The following DENND1B variants were observed in gnomAD, a reference collection of about 807,000 sequenced individuals.
DENND1B encodes DENN domain-containing protein 1B.
DENND1B carries 59 observed loss-of-function variants against 90.1 expected under a neutral mutation model. The ratio of observed to expected loss-of-function variants is 0.65; its 90% confidence interval spans 0.53 to 0.81. The LOEUF (loss-of-function observed/expected upper bound fraction) is 0.81. DENND1B is among the 40% of genes least tolerant of loss of function. The probability of loss-of-function intolerance (pLI) is 0.00; values close to 1 mark genes in which losing one functional copy is unlikely to be tolerated. For synonymous variants in DENND1B, 337 were observed against 324.6 expected (o/e 1.04, Z -0.41); for missense variants, 862 against 912.6 (o/e 0.94, Z 0.71).
Position 197,595,233 on chromosome 1 carries a change from T to C in DENND1B, c.1022A>G (p.Tyr341Cys), listed in dbSNP as rs771490441. The change falls in exon 14 of 23, where the codon TAC becomes TGC. Residue 341 changes from tyrosine to cysteine, a missense_variant. Transcript: ENST00000620048. Reference protein sequence around the residue: ...LRAQAALFGSYRDALRYKPGE... With the variant: ...LRAQAALFGSCRDALRYKPGE... ...AGGTTTGTATCTCAGTGCATCTCTG[T>C]AGGATCCAAACAAAGCAGCCTGTGC... 1 of 1,613,072 alleles carries C rather than the reference T, an allele frequency of 6.2e-7. No individual in the cohort carries two copies. Among genetic ancestry groups the C allele is most frequent in the Non-Finnish European group, 8.5e-7 (1 of 1,179,378 alleles).
At chr1:197,731,384 A>T (rs939768578) in intron 2 of DENND1B, among the ~76,000 whole-genome samples, 13 of 152,184 alleles carry the variant, frequency 8.5e-5, no homozygotes, top group African/African-American at 7.2e-5. Flanking sequence ...ATCCTCTAGG[A>T]AAGTGAGCAA....
rs545918516 is a variant in DENND1B, at chr1:197,772,901, A to G, written c.49T>C (p.Leu17=). Residue 17 remains leucine (L), a synonymous_variant, in exon 2 of 23, where the codon TTG becomes CTG. Coordinates refer to ENST00000620048, the MANE Select transcript of DENND1B (RefSeq NM_001195215.2). ...ANPDRTFDLV[L]KVKCHASENE... ...TCAGAGGCATGACATTTCACTTTCAACACCAAGTCAAAGGTTCTGTCTGGA... is the reference window on the plus strand; with the variant it reads ...TCAGAGGCATGACATTTCACTTTCAGCACCAAGTCAAAGGTTCTGTCTGGA... The G allele has an allele frequency of 6.4e-7, 1 of 1,552,038 alleles. No individual in the cohort carries two copies. Among genetic ancestry groups the G allele is most frequent in the East Asian group, 2.4e-5 (1 of 41,066 alleles).
intron 9 of DENND1B, among the ~76,000 whole-genome samples, chr1:197,644,725 C>T (rs368045977): frequency 6.6e-6 from 1 of 152,130 alleles, no homozygotes; most frequent in East Asian, 1.9e-4. Flanking sequence ...AAAACACCAT[C>T]GACAGTCTTG....
intron 2 of DENND1B, among the ~76,000 whole-genome samples, chr1:197,752,521 TAATTGTA>T (rs1653688300): frequency 6.6e-6 from 1 of 152,084 alleles, no homozygotes; most frequent in South Asian, 2.1e-4. Context: ...ATTGAAGATG[TAATTGTA>T]ATAAAGCAAT....
chr1:197,673,960 C>A (rs1486526276), intron 4 of DENND1B, among the ~76,000 whole-genome samples, 160 bp downstream of exon 4: 1 of 152,100 alleles, frequency 6.6e-6, no homozygotes. Context: ...GCTTCCTCTT[C>A]CACATATTAA....
chr1:197,645,472 C>T (rs538451003), intron 9 of DENND1B, among the ~76,000 whole-genome samples: 1 of 151,810 alleles, frequency 6.6e-6, no homozygotes, highest in South Asian at 2.1e-4. Context: ...CCTTAATTTT[C>T]CTTATCCACA....
At chr1:197,703,724 T>C (rs938523080) in intron 3 of DENND1B, among the ~76,000 whole-genome samples, 2 of 152,236 alleles carry the variant, frequency 1.3e-5, no homozygotes, top group African/African-American at 4.8e-5. Flanking sequence ...CCTGGCTTAC[T>C]GATTAATTTT....
intron 15 of DENND1B, 73 bp downstream of exon 15, chr1:197,583,078 GT>G: frequency 7.2e-7 from 1 of 1,390,390 alleles, no homozygotes; most frequent in Non-Finnish European, 1.0e-6. Context: ...TTTGTACATA[GT>G]TTTATAGTAA....
chr1:197,524,208 C>A (rs1352060922), intron 20 of DENND1B, among the ~76,000 whole-genome samples: 1 of 152,094 alleles, frequency 6.6e-6, no homozygotes, highest in South Asian at 2.1e-4. Flanking sequence ...CTGCTCCCAA[C>A]GCATAGTTGG....
At chr1:197,614,106 T>C (rs554892501) in intron 11 of DENND1B, among the ~76,000 whole-genome samples, 11 of 150,608 alleles carry the variant, frequency 7.3e-5, no homozygotes, top group Non-Finnish European at 1.3e-4. Context: ...ATGGAAGATA[T>C]ACTTATCTTC....
chr1:197,595,658 T>C (rs1189670227), intron 13 of DENND1B, among the ~76,000 whole-genome samples: 1 of 152,144 alleles, frequency 6.6e-6, no homozygotes, highest in Non-Finnish European at 1.5e-5. Context: ...ACAACATGTG[T>C]CTACTTGTTT....
At chr1:197,545,069 G>GAAGAAT (rs1558223023) in intron 18 of DENND1B, among the ~76,000 whole-genome samples, 14 of 130,798 alleles carry the variant, frequency 1.1e-4, no homozygotes, top group East Asian at 2.3e-4. Flanking sequence ...AGAAGAAGAA[G>GAAGAAT]AATTCCAAGA....
At chr1:197,531,144 G>A (rs1010964120) in intron 20 of DENND1B, among the ~76,000 whole-genome samples, 20 of 152,262 alleles carry the variant, frequency 1.3e-4, no homozygotes, top group Admixed American at 1.0e-3. Flanking sequence ...TGGATTGTTG[G>A]AAGTTTTAAA....
At chr1:197,714,940 C>G (rs1660495951) in intron 3 of DENND1B, 91 bp downstream of exon 3, 2 of 917,390 alleles carry the variant, frequency 2.2e-6, no homozygotes, top group Non-Finnish European at 3.5e-6. Flanking sequence ...TCCATGTTCA[C>G]TAGTAGTTAT....
intron 14 of DENND1B, among the ~76,000 whole-genome samples, chr1:197,591,195 G>A (rs1037283944): frequency 1.1e-4 from 17 of 151,966 alleles, no homozygotes; most frequent in African/African-American, 3.1e-4. Flanking sequence ...TATAATTTTC[G>A]GATTCGTTTT....
intron 3 of DENND1B, among the ~76,000 whole-genome samples, chr1:197,701,772 A>G (rs1300445666): frequency 6.6e-6 from 1 of 152,192 alleles, no homozygotes; most frequent in East Asian, 1.9e-4. Context: ...CTAGAGCTAC[A>G]TGCTAATTGC....
chr1:197,583,717 A>C (rs539883436), intron 14 of DENND1B, among the ~76,000 whole-genome samples: 1 of 152,278 alleles, frequency 6.6e-6, no homozygotes, highest in South Asian at 2.1e-4. Flanking sequence ...CCTTCTCTTC[A>C]TGATTGCAAA....
Position 197,510,671 on chromosome 1 carries a change from GT to G in DENND1B, c.2116del (p.Thr706HisfsTer2). 2 of 1,612,798 alleles carry G rather than the reference GT, an allele frequency of 1.2e-6. No homozygotes were observed. Among genetic ancestry groups the G allele is most frequent in the Non-Finnish European group, 1.7e-6 (2 of 1,179,218 alleles). On this transcript the variant is annotated frameshift_variant, in exon 23 of 23. Transcript: ENST00000620048. LOFTEE classifies it low-confidence loss of function (END_TRUNC). Reference protein sequence around the residue: ...TDKGKTEKRETLSQISDDLLI... With the variant: ...TDKGKTEKREXLSQISDDLLI... ...CAGATCATCTGAAATCTGGCTTAGT[GT>G]TTCCCTCTTTTCTGTTTTTCCTTTA...
intron 15 of DENND1B, among the ~76,000 whole-genome samples, chr1:197,561,840 T>C (rs1355221907): frequency 1.3e-5 from 2 of 151,890 alleles, no homozygotes; most frequent in Non-Finnish European, 1.5e-5. Context: ...TCCTTCAGAA[T>C]ATCTATTGGC....
Sources: gnomAD v4.1 joint callset for allele counts (sites outside exome capture counted in the v4.1 genomes callset) on GRCh38, gnomAD v4.1.1 for gene constraint, MANE v1.5 for transcripts, NCBI Gene and HGNC (gene_info 2026-07-23, HGNC 2026-07-21) for gene names.